Variants in APOL3 observed in about 807,000 individuals in gnomAD.
The protein encoded by APOL3 is TNF-inducible protein CG12-1.
Under a neutral mutation model 11.6 loss-of-function variants are expected in APOL3, and 14 were observed. That is an observed-to-expected ratio of 1.21 (90% CI 0.80 to 1.89). The LOEUF is 1.89. APOL3 is among the 40% of genes most tolerant of loss of function. The pLI is 0.00. For missense variants in APOL3, 483 were observed against 492.1 expected (o/e 0.98, Z 0.17); for synonymous variants, 192 against 190.6 (o/e 1.01, Z -0.06).
intron 1 of APOL3, among the ~76,000 whole-genome samples, chr22:36,148,712 G>A (rs557486076): frequency 4.3e-4 from 65 of 152,268 alleles, no homozygotes; most frequent in Non-Finnish European, 8.4e-4. Flanking sequence ...TCAGCCCTCC[G>A]CACCTCCTGG....
chr22:36,141,734 C>A (rs1458579509), exon 3 of APOL3: 2 of 1,614,042 alleles, frequency 1.2e-6, no homozygotes, highest in Admixed American at 1.7e-5. Context: ...CTGCTCCCAG[C>A]CCTACCCCAG....
intron 2 of APOL3, 151 bp from the exon 4 acceptor site, chr22:36,142,209 AT>A (rs1327616373): frequency 3.1e-6 from 3 of 964,602 alleles, no homozygotes; most frequent in Non-Finnish European, 4.3e-6. Flanking sequence ...ATTTAAAATA[AT>A]TTTTCCAAGG....
At chr22:36,161,979 C>T (rs2013724944), upstream of APOL3, among the ~76,000 whole-genome samples, 1 of 152,114 alleles carries the variant, frequency 6.6e-6, no homozygotes, top group African/African-American at 2.4e-5. Context: ...GAGCCCAGCA[C>T]CAGGGAGTGA....
chr22:36,160,954 C>A, upstream of APOL3: 5 of 1,506,952 alleles, frequency 3.3e-6, no homozygotes, highest in Middle Eastern at 4.0e-4. Context: ...CCCAGACGTC[C>A]TTCTTGGCCA....
upstream of APOL3, chr22:36,164,467 T>C (rs902703999): frequency 3.3e-5 from 5 of 152,206 alleles, no homozygotes; most frequent in African/African-American, 7.2e-5. Context: ...TCTATCTTCA[T>C]TGAGGATGAG....
exon 3 of APOL3, chr22:36,141,407 G>A: frequency 1.9e-6 from 3 of 1,614,154 alleles, no homozygotes; most frequent in Non-Finnish European, 2.5e-6. Flanking sequence ...GGGCTCCTCT[G>A]CTCACTGCCC....
At position 36,157,480 on chromosome 22, in the gene APOL3, C is replaced by T. The variant is rs536448178; in HGVS notation, c.223+3189G>A. 2.6e-5 allele frequency among the ~76,000 whole-genome samples: 4 copies of T among 152,184 alleles called. No homozygotes were observed. The South Asian group carries it at 8.3e-4, about 32-fold the overall frequency. On this transcript the variant is annotated intron_variant, in intron 1 of 2. Coordinates refer to ENST00000349314, the Ensembl canonical transcript of APOL3. ...TCAATCCCAAAGGGATCTAAGTGTA[C>T]CCCAGAAAGAAAAAATTAAAACTAT...
chr22:36,155,426 C>T (rs905936774), intron 1 of APOL3, among the ~76,000 whole-genome samples: 1 of 152,172 alleles, frequency 6.6e-6, no homozygotes, highest in Non-Finnish European at 1.5e-5. Context: ...CTTCCTATTT[C>T]CTGCCTCTGT....
At chr22:36,153,941 A>G (rs894137704) in intron 1 of APOL3, among the ~76,000 whole-genome samples, 1 of 152,190 alleles carries the variant, frequency 6.6e-6, no homozygotes, top group Non-Finnish European at 1.5e-5. Context: ...GCTACAGGTA[A>G]ATTGAAACGT....
intron 2 of APOL3, among the ~76,000 whole-genome samples, 172 bp downstream of exon 3, chr22:36,145,301 T>C (rs574489386): frequency 6.6e-6 from 1 of 152,310 alleles, no homozygotes; most frequent in East Asian, 1.9e-4. Context: ...GGTCACTCAC[T>C]GCCAGCGAAG....
chr22:36,146,329 A>G (rs1331902548), intron 1 of APOL3: 1 of 151,710 alleles, frequency 6.6e-6, no homozygotes, highest in Non-Finnish European at 1.5e-5. Flanking sequence ...CTTTCTCCCC[A>G]TGTACGGGAA....
intron 1 of APOL3, among the ~76,000 whole-genome samples, chr22:36,145,886 G>A (rs888314615): frequency 1.3e-5 from 2 of 151,336 alleles, no homozygotes; most frequent in Admixed American, 1.3e-4. Flanking sequence ...CTAGTTAAAA[G>A]AAAAAAAAGA....
chr22:36,149,325 C>T (rs2060341467), intron 1 of APOL3, 183 bp from the exon 2 acceptor site: 2 of 1,306,272 alleles, frequency 1.5e-6, no homozygotes, highest in South Asian at 2.4e-5. Flanking sequence ...CTACTTGCTC[C>T]AGCTCCCTCT....
exon 3 of APOL3, chr22:36,141,127 C>T: frequency 6.5e-7 from 1 of 1,544,608 alleles, no homozygotes; most frequent in Non-Finnish European, 8.7e-7. Flanking sequence ...TCTTTATCCC[C>T]CTAATAAAAT....
chr22:36,141,090 C>T lies in APOL3; in HGVS notation c.*110G>A, dbSNP rs532538101. 6.0e-6 allele frequency: 9 copies of T among 1,491,216 alleles called. No homozygotes were observed. In the South Asian group the frequency reaches 1.1e-4, roughly 18 times the overall value. 92.4% of individuals were successfully genotyped at this position (1,491,216 alleles called of 1,614,324 possible). On this transcript the variant is annotated 3_prime_UTR_variant, in exon 3 of 3. Transcript: ENST00000349314. ...TACAGAAATGCCAAAGTCACTAACACTCAGCTCCATAAACTTTACCTTGCC... is the reference window on the plus strand; with the variant it reads ...TACAGAAATGCCAAAGTCACTAACATTCAGCTCCATAAACTTTACCTTGCC...
upstream of APOL3, chr22:36,160,941 AG>A: frequency 6.4e-7 from 1 of 1,565,330 alleles, no homozygotes; most frequent in East Asian, 2.3e-5. Context: ...ATCCAAGAGC[AG>A]CCCCAGACGT....
At chr22:36,145,369 A>T in intron 2 of APOL3, 104 bp downstream of exon 3, 3 of 1,419,602 alleles carry the variant, frequency 2.1e-6, no homozygotes, top group Non-Finnish European at 2.9e-6. Flanking sequence ...AGTTCAGCAG[A>T]GGGGGCTGCC....
chr22:36,145,763 C>CA (rs986317916), intron 1 of APOL3, among the ~76,000 whole-genome samples, 164 bp from the exon 3 acceptor site: 28 of 152,250 alleles, frequency 1.8e-4, no homozygotes, highest in African/African-American at 6.7e-4. Flanking sequence ...CCTCCAAATT[C>CA]ATATACTGAG....
chr22:36,155,237 C>CT (rs2012563227), intron 1 of APOL3, among the ~76,000 whole-genome samples: 1 of 152,210 alleles, frequency 6.6e-6, no homozygotes, highest in African/African-American at 2.4e-5. Context: ...TCTCTTTCTT[C>CT]TTTACTGTGG....
Sources: gnomAD v4.1 joint callset for allele counts (sites outside exome capture counted in the v4.1 genomes callset) on GRCh38, gnomAD v4.1.1 for gene constraint, MANE v1.5 for transcripts, NCBI Gene and HGNC (gene_info 2026-07-23, HGNC 2026-07-21) for gene names.